The following PEX7 variants were observed in gnomAD, a reference collection of about 807,000 sequenced individuals.
The protein encoded by PEX7 is peroxisomal biogenesis factor 7.
PEX7 carries 34 observed loss-of-function variants against 47.5 expected under a neutral mutation model. That is an observed-to-expected ratio of 0.72 (90% CI 0.54 to 0.95). The LOEUF is 0.95. PEX7 is among the 40% of genes least tolerant of loss of function. PEX7 has a pLI of 0.00. For missense variants in PEX7, 394 were observed against 400.3 expected, an observed-to-expected ratio of 0.98 and a Z score of 0.13; for synonymous variants, 141 against 148.8, an observed-to-expected ratio of 0.95 and a Z score of 0.38.
intron 5 of PEX7, among the ~76,000 whole-genome samples, chr6:136,860,920 G>A (rs1230176084): frequency 1.3e-5 from 2 of 152,140 alleles, no homozygotes; most frequent in African/African-American, 4.8e-5. Context: ...TGACCACTGT[G>A]TGGCCTTCCA....
intron 9 of PEX7, among the ~76,000 whole-genome samples, chr6:136,906,643 A>G (rs1775849553): frequency 6.6e-6 from 1 of 152,168 alleles, no homozygotes; most frequent in South Asian, 2.1e-4. Context: ...ATGTGCCTGC[A>G]ACAGAATACA....
intron 1 of PEX7, among the ~76,000 whole-genome samples, chr6:136,824,960 G>A (rs942751037): frequency 6.6e-6 from 1 of 152,152 alleles, no homozygotes; most frequent in Non-Finnish European, 1.5e-5. Flanking sequence ...CCAATCATAG[G>A]TGCAATGGGA....
At chr6:136,849,755 G>A (rs1774701569) in intron 5 of PEX7, among the ~76,000 whole-genome samples, 1 of 152,170 alleles carries the variant, frequency 6.6e-6, no homozygotes, top group African/African-American at 2.4e-5. Flanking sequence ...CATTTGCTGA[G>A]GAGTGCTTTG....
At chr6:136,855,791 A>T in intron 5 of PEX7, 1 of 339,658 alleles carries the variant, frequency 2.9e-6, no homozygotes, top group Admixed American at 3.3e-5. Context: ...TGGAATGACC[A>T]GTAAAGACAT....
chr6:136,829,987 G>GTTTT (rs60230059), intron 3 of PEX7: 1 of 610,436 alleles, frequency 1.6e-6, no homozygotes, highest in South Asian at 1.8e-5. Context: ...GCCAATTTCT[G>GTTTT]TTTTTTTTTT....
intron 5 of PEX7, among the ~76,000 whole-genome samples, chr6:136,850,374 G>A (rs1439738549): frequency 1.3e-5 from 2 of 152,074 alleles, no homozygotes; most frequent in Non-Finnish European, 2.9e-5. Flanking sequence ...GGTTAATATT[G>A]TTATGTGTGA....
At chr6:136,908,595 T>C (rs1775881609) in intron 9 of PEX7, among the ~76,000 whole-genome samples, 1 of 152,088 alleles carries the variant, frequency 6.6e-6, no homozygotes, top group African/African-American at 2.4e-5. Context: ...TGTGTATCCT[T>C]GGGCGGAAGC....
At chr6:136,878,226 A>C (rs1775310318) in intron 8 of PEX7, among the ~76,000 whole-genome samples, 1 of 152,170 alleles carries the variant, frequency 6.6e-6, no homozygotes, top group African/African-American at 2.4e-5. Context: ...GGGCTTTCTA[A>C]GTATACAATC....
chr6:136,845,594 A>C, intron 3 of PEX7, 21 bp from the exon 4 acceptor site: 1 of 1,486,654 alleles, frequency 6.7e-7, no homozygotes, highest in East Asian at 2.3e-5. Context: ...TTGCTTTCTA[A>C]ACACTTTTCA....
At chr6:136,826,572 T>A in intron 3 of PEX7, 103 bp downstream of exon 3, 1 of 1,351,836 alleles carries the variant, frequency 7.4e-7, no homozygotes, top group Non-Finnish European at 1.0e-6. Context: ...GGGGACAAGT[T>A]TAAACGTTAG....
At chr6:136,850,926 T>TTG (rs1381755415) in intron 5 of PEX7, among the ~76,000 whole-genome samples, 5 of 148,718 alleles carry the variant, frequency 3.4e-5, no homozygotes, top group African/African-American at 1.3e-4. Context: ...GGTTTTTTTT[T>TTG]TTTTTTTTTT....
At chr6:136,901,488 C>T (rs1180609293) in intron 9 of PEX7, 1 of 152,284 alleles carries the variant, frequency 6.6e-6, no homozygotes, top group Non-Finnish European at 1.5e-5. Flanking sequence ...TTCAATGTGT[C>T]TGGTGGATAG....
rs1290336763 is a variant in PEX7 at position 136,866,615 on chromosome 6, C to G, written c.527-12C>G. Reference sequence around the variant, plus strand: ...GTGTGATGGGAAATGATCAAGTCTTCCTTTTTACTAGGTGATCAGACTCTG... The same window carrying G: ...GTGTGATGGGAAATGATCAAGTCTTGCTTTTTACTAGGTGATCAGACTCTG... On this transcript the variant is annotated splice_polypyrimidine_tract_variant and intron_variant, in intron 5 of 9. Coordinates refer to ENST00000318471, the MANE Select transcript of PEX7 (RefSeq NM_000288.4). 5 of 1,608,626 alleles carry G rather than the reference C, an allele frequency of 3.1e-6. No individual in the cohort carries two copies. Among genetic ancestry groups the G allele is most frequent in the Middle Eastern group, 1.6e-4 (1 of 6,068 alleles).
chr6:136,877,092 A>T (rs910073332), intron 8 of PEX7, among the ~76,000 whole-genome samples: 1 of 152,068 alleles, frequency 6.6e-6, no homozygotes, highest in Non-Finnish European at 1.5e-5. Flanking sequence ...ATGACTGGTG[A>T]TGATGAGCTT....
chr6:136,888,078 T>C (rs2115257048), intron 8 of PEX7, among the ~76,000 whole-genome samples: 1 of 152,052 alleles, frequency 6.6e-6, no homozygotes, highest in African/African-American at 2.4e-5. Context: ...TTCTTCCCCT[T>C]CCCCTTAAAA....
intron 8 of PEX7, among the ~76,000 whole-genome samples, chr6:136,883,703 A>G (rs1373003890): frequency 1.3e-5 from 2 of 152,064 alleles, no homozygotes; most frequent in Non-Finnish European, 2.9e-5. Flanking sequence ...CTGCATATTC[A>G]GCTGTTTCTG....
Position 136,862,127 on chromosome 6 carries a change from C to T in PEX7, c.527-4500C>T, listed in dbSNP as rs374583775. Among the ~76,000 whole-genome samples, 13 of 146,810 alleles carry T rather than the reference C, an allele frequency of 8.9e-5. No homozygotes were observed. In the East Asian group the frequency reaches 9.9e-4, roughly 11 times the overall value. On this transcript the variant is annotated intron_variant, in intron 5 of 9. Transcript: ENST00000318471. ...CATTGCCCAGGCTGGAGTTAAGGGG[C>T]GTGATCTCAGCTCACTGCAACCTCC...
intron 8 of PEX7, among the ~76,000 whole-genome samples, chr6:136,882,895 C>T (rs1272613028): frequency 2.6e-5 from 4 of 152,128 alleles, no homozygotes; most frequent in African/African-American, 9.7e-5. Context: ...CTTCCATTCA[C>T]CAGGGCCATT....
chr6:136,841,888 A>T, intron 3 of PEX7, among the ~76,000 whole-genome samples: 1 of 142,460 alleles, frequency 7.0e-6, no homozygotes. Flanking sequence ...GCCTGGTGTA[A>T]TTACTCTTTT....
Sources: gnomAD v4.1 joint callset for allele counts (sites outside exome capture counted in the v4.1 genomes callset) on GRCh38, gnomAD v4.1.1 for gene constraint, MANE v1.5 for transcripts, NCBI Gene and HGNC (gene_info 2026-07-23, HGNC 2026-07-21) for gene names.